Variants in NDRG1 observed in about 807,000 individuals in gnomAD.
NDRG1 encodes N-myc downstream regulated 1.
A neutral mutation model predicts 56.9 loss-of-function variants in NDRG1; 32 were observed. That is an observed-to-expected ratio of 0.56 (90% CI 0.42 to 0.76). The LOEUF is 0.76. NDRG1 is among the 30% of genes least tolerant of loss of function. NDRG1 has a pLI of 0.00. For missense variants in NDRG1, 507 were observed against 545.7 expected, an observed-to-expected ratio of 0.93 and a Z score of 0.71; for synonymous variants, 211 against 204.1, an observed-to-expected ratio of 1.03 and a Z score of -0.29.
In NDRG1 at chr8:133,280,279, C is replaced by CA. The variant is rs756038946; in HGVS notation, c.64-13dup. ...AGGCCGGTGATGGTCTGTGAAAAGACAAAAAAAATTGTCAATTTCATCTGT... is the reference window on the plus strand; with the variant it reads ...AGGCCGGTGATGGTCTGTGAAAAGACAAAAAAAAATTGTCAATTTCATCTGT... On this transcript the variant is annotated splice_polypyrimidine_tract_variant and intron_variant, in intron 2 of 15. Coordinates refer to ENST00000323851, the MANE Select transcript of NDRG1 (RefSeq NM_006096.4). 789 of 1,605,614 alleles carry CA rather than the reference C, an allele frequency of 4.9e-4. 3 individuals are homozygous for CA. The highest frequency in any genetic ancestry group is 1.5e-3 in the Admixed American group (89 of 59,890).
chr8:133,243,306 GA>G (rs1855486781), intron 14 of NDRG1, among the ~76,000 whole-genome samples: 1 of 152,226 alleles, frequency 6.6e-6, no homozygotes, highest in African/African-American at 2.4e-5. Flanking sequence ...CTGTGTTCGA[GA>G]TGGTGGAGAG....
At chr8:133,270,664 C>G (rs1232164368) in intron 3 of NDRG1, among the ~76,000 whole-genome samples, 1 of 152,208 alleles carries the variant, frequency 6.6e-6, no homozygotes, top group Admixed American at 6.5e-5. Flanking sequence ...AGGACCAAAG[C>G]CGCATGCTCA....
intron 1 of NDRG1, among the ~76,000 whole-genome samples, chr8:133,289,064 C>G (rs1267767798): frequency 6.6e-6 from 1 of 152,142 alleles, no homozygotes; most frequent in African/African-American, 2.4e-5. Flanking sequence ...TATCGAATCT[C>G]TTTTTAAAAA....
chr8:133,280,182 AAG>A (rs750246198), intron 3 of NDRG1, 48 bp downstream of exon 3: 2 of 1,605,274 alleles, frequency 1.2e-6, no homozygotes, highest in East Asian at 4.5e-5. Flanking sequence ...AAAAAGGAAA[AAG>A]AGAAGACGGG....
rs973863842 is a variant in NDRG1 at position 133,237,760 on chromosome 8, G to C, written c.*1118C>G. 2 of 224,872 alleles carry C rather than the reference G, an allele frequency of 8.9e-6. No individual in the cohort carries two copies. The highest frequency in any genetic ancestry group is 1.2e-4 in the Admixed American group (2 of 16,998). 13.9% of individuals were successfully genotyped at this position (224,872 alleles called of 1,614,324 possible). A position where few individuals can be genotyped will look rare whatever the true frequency, so the allele number is the denominator to read the frequency against. On this transcript the variant is annotated 3_prime_UTR_variant, in exon 16 of 16. Coordinates refer to ENST00000323851, the MANE Select transcript of NDRG1 (RefSeq NM_006096.4). ...AACGTGACCGGGTCAGACAGGTTCA[G>C]CTACTGAGTTCACGTTCCAGCCCAG...
rs1855136170 is a variant in NDRG1, at chr8:133,237,719, G to A, written c.*1159C>T. The A allele has an allele frequency of 4.9e-6, 1 of 204,088 alleles. No individual in the cohort carries two copies. The allele number at this position is 204,088 out of a possible 1,614,324, so 12.6% of individuals were successfully genotyped here. Reference sequence around the variant, plus strand: ...ACCCCCACCCCGACAAGAGCAAAGAGTTCTGAGGATCCAAGAACGTGACCG... The same window carrying A: ...ACCCCCACCCCGACAAGAGCAAAGAATTCTGAGGATCCAAGAACGTGACCG... On this transcript the variant is annotated 3_prime_UTR_variant, in exon 16 of 16. Transcript: ENST00000323851.
chr8:133,240,847 G>A (rs186551524), intron 15 of NDRG1: 2 of 152,372 alleles, frequency 1.3e-5, no homozygotes, highest in East Asian at 3.9e-4. Context: ...GGGTAAAGCA[G>A]GACTGCCCCG....
At chr8:133,258,946 A>G (rs1444284180) in intron 6 of NDRG1, 1 of 614,766 alleles carries the variant, frequency 1.6e-6, no homozygotes, top group Non-Finnish European at 2.9e-6. Context: ...ATCATGCAAT[A>G]TAACATTCAC....
At chr8:133,261,250 C>T (rs1856646891) in intron 5 of NDRG1, among the ~76,000 whole-genome samples, 1 of 152,130 alleles carries the variant, frequency 6.6e-6, no homozygotes, top group Non-Finnish European at 1.5e-5. Flanking sequence ...GGATTATAGC[C>T]ACCCGCCACC....
chr8:133,280,455 G>C (rs999259338), intron 2 of NDRG1, among the ~76,000 whole-genome samples, 188 bp from the exon 3 acceptor site: 7 of 140,214 alleles, frequency 5.0e-5, no homozygotes, highest in African/African-American at 1.9e-4. Flanking sequence ...ACGGAGTCTT[G>C]CTCTGTCGCC....
At chr8:133,273,730 A>G (rs1343015984) in intron 3 of NDRG1, among the ~76,000 whole-genome samples, 3 of 152,200 alleles carry the variant, frequency 2.0e-5, no homozygotes, top group Admixed American at 6.5e-5. Flanking sequence ...AAAAGAGGCC[A>G]ACACCCCTCA....
intron 3 of NDRG1, among the ~76,000 whole-genome samples, chr8:133,278,428 A>G (rs980115653): frequency 1.9e-4 from 29 of 152,236 alleles, no homozygotes; most frequent in African/African-American, 7.0e-4. Context: ...ACCTCAAGAT[A>G]GTACATTCAC....
At chr8:133,264,520 A>G in intron 4 of NDRG1, 27 bp downstream of exon 4, 5 of 1,602,892 alleles carry the variant, frequency 3.1e-6, no homozygotes, top group Non-Finnish European at 4.3e-6. Flanking sequence ...ACCGGCTGAC[A>G]GGGAATCAGA....
At chr8:133,250,684 A>C in intron 9 of NDRG1, 141 bp from the exon 10 acceptor site, 2 of 775,466 alleles carry the variant, frequency 2.6e-6, no homozygotes, top group Non-Finnish European at 2.2e-6. Flanking sequence ...GACCTAAAAA[A>C]AAAACCTTTG....
intron 3 of NDRG1, among the ~76,000 whole-genome samples, chr8:133,274,554 C>A (rs1857357509): frequency 6.6e-6 from 1 of 152,174 alleles, no homozygotes; most frequent in Non-Finnish European, 1.5e-5. Flanking sequence ...AGGTAAGAAA[C>A]CAACTAAATG....
rs570310554 is a variant in NDRG1, at chr8:133,241,940, T to C, written c.943+83A>G. 6.6e-5 allele frequency: 100 copies of C among 1,517,560 alleles called. No homozygotes were observed. The African/African-American group carries it at 8.2e-4, about 12-fold the overall frequency. The allele number at this position is 1,517,560 out of a possible 1,614,324, so 94.0% of individuals were successfully genotyped here. On this transcript the variant is annotated intron_variant, in intron 15 of 15. Coordinates refer to ENST00000323851, the MANE Select transcript of NDRG1 (RefSeq NM_006096.4). ...GCTGGCCAGGGGGACACAGAATTGC[T>C]CATCCAAACCTGGCTCAGGACAGAG...
chr8:133,282,580 A>G (rs1857869498), intron 2 of NDRG1, among the ~76,000 whole-genome samples: 1 of 152,244 alleles, frequency 6.6e-6, no homozygotes, highest in African/African-American at 2.4e-5. Context: ...ACTATTTCAG[A>G]AGACTATGTC....
At chr8:133,284,649 C>G (rs1374029893) in intron 1 of NDRG1, 2 of 462,252 alleles carry the variant, frequency 4.3e-6, no homozygotes, top group Non-Finnish European at 8.4e-6. Context: ...CCACCATACC[C>G]AGGATGCAGC....
intron 9 of NDRG1, among the ~76,000 whole-genome samples, chr8:133,250,965 T>C (rs1396512613): frequency 4.6e-5 from 7 of 151,276 alleles, no homozygotes; most frequent in Non-Finnish European, 8.8e-5. Flanking sequence ...CACTAGGTTG[T>C]AGGACTTAAT....
Sources: gnomAD v4.1 joint callset for allele counts (sites outside exome capture counted in the v4.1 genomes callset) on GRCh38, gnomAD v4.1.1 for gene constraint, MANE v1.5 for transcripts, NCBI Gene and HGNC (gene_info 2026-07-23, HGNC 2026-07-21) for gene names.